The following SLC1A1 variants were observed in gnomAD, a reference collection of about 807,000 sequenced individuals.
SLC1A1 encodes the protein excitatory amino acid transporter 3.
In SLC1A1, 43 loss-of-function variants were observed where a neutral mutation model predicts 53.3. That is an observed-to-expected ratio of 0.81 (90% CI 0.63 to 1.04). The LOEUF (loss-of-function observed/expected upper bound fraction) is 1.04, where lower values mean the gene tolerates loss of function less well. Ranked by LOEUF, SLC1A1 falls within the 50% of genes least tolerant of loss-of-function variation. The pLI, the probability that SLC1A1 is intolerant of heterozygous loss-of-function variation, is 0.00. For synonymous variants in SLC1A1, 307 were observed against 243.2 expected (o/e 1.26, Z -2.44); for missense variants, 748 against 664.9 (o/e 1.12, Z -1.37).
chr9:4,552,451 T>C (rs923239103), intron 2 of SLC1A1, among the ~76,000 whole-genome samples: 2 of 151,812 alleles, frequency 1.3e-5, no homozygotes, highest in Non-Finnish European at 2.9e-5. Flanking sequence ...GGGAGGACAG[T>C]GAGACTTGAA....
At chr9:4,532,524 A>T (rs1181427669) in intron 1 of SLC1A1, among the ~76,000 whole-genome samples, 1 of 152,172 alleles carries the variant, frequency 6.6e-6, no homozygotes, top group Admixed American at 6.5e-5. Flanking sequence ...AAAAGAATAA[A>T]AAGAAATGAA....
At chr9:4,510,191 G>A (rs1365140994) in intron 1 of SLC1A1, among the ~76,000 whole-genome samples, 1 of 152,204 alleles carries the variant, frequency 6.6e-6, no homozygotes, top group Non-Finnish European at 1.5e-5. Context: ...TATGGGAAAT[G>A]AGAGGTAAGA....
intron 1 of SLC1A1, among the ~76,000 whole-genome samples, chr9:4,492,964 C>G (rs1311303766): frequency 6.6e-6 from 1 of 152,146 alleles, no homozygotes. Context: ...TCACTGGAGA[C>G]TGGTTTGGAG....
chr9:4,567,180 C>G (rs1010641044), intron 5 of SLC1A1, among the ~76,000 whole-genome samples: 6 of 152,198 alleles, frequency 3.9e-5, no homozygotes, highest in African/African-American at 1.4e-4. Flanking sequence ...CTGAATAGCC[C>G]CAAGGGGACT....
intron 1 of SLC1A1, among the ~76,000 whole-genome samples, chr9:4,494,589 G>A (rs971741789): frequency 6.6e-6 from 1 of 151,608 alleles, no homozygotes; most frequent in African/African-American, 2.4e-5. Flanking sequence ...TGGAAAGAAT[G>A]AATCATTTAT....
At chr9:4,523,737 G>A (rs982916365) in intron 1 of SLC1A1, among the ~76,000 whole-genome samples, 1 of 152,324 alleles carries the variant, frequency 6.6e-6, no homozygotes, top group East Asian at 1.9e-4. Context: ...TACTTACAGT[G>A]TGAGCCAGGT....
chr9:4,526,959 A>T (rs180944044), intron 1 of SLC1A1, among the ~76,000 whole-genome samples: 29 of 152,294 alleles, frequency 1.9e-4, no homozygotes, highest in African/African-American at 6.7e-4. Context: ...AAATGTAATT[A>T]AAGTCCCTAA....
In SLC1A1 at chr9:4,539,598, A is replaced by G. The variant is rs143676489; in HGVS notation, c.92-4969A>G. Among the ~76,000 whole-genome samples, 319 of 151,542 alleles carry G rather than the reference A, an allele frequency of 2.1e-3. 1 individual carries two copies. Among genetic ancestry groups the G allele is most frequent in the African/African-American group, 7.3e-3 (300 of 41,318 alleles). On this transcript the variant is annotated intron_variant, in intron 1 of 11. Transcript: ENST00000262352. ...TTATTTATTTATTTTTTGAGATGGA[A>G]TCTCACTCTGTCATCTAGGCTGGAG...
At chr9:4,557,751 G>A (rs1325504866) in intron 2 of SLC1A1, among the ~76,000 whole-genome samples, 2 of 152,206 alleles carry the variant, frequency 1.3e-5, no homozygotes, top group African/African-American at 4.8e-5. Flanking sequence ...CACAAAAACA[G>A]AACGTTTCTA....
chr9:4,569,852 C>A (rs1229466773), intron 6 of SLC1A1, among the ~76,000 whole-genome samples: 1 of 152,140 alleles, frequency 6.6e-6, no homozygotes, highest in Non-Finnish European at 1.5e-5. Context: ...CCCTCTATAC[C>A]CCAGGCCCTG....
intron 3 of SLC1A1, among the ~76,000 whole-genome samples, 184 bp downstream of exon 3, chr9:4,561,725 C>A (rs986929765): frequency 6.6e-6 from 1 of 152,064 alleles, no homozygotes; most frequent in South Asian, 2.1e-4. Context: ...CCCGTTTCTA[C>A]CAAAAATACA....
intron 3 of SLC1A1, among the ~76,000 whole-genome samples, chr9:4,564,034 T>C (rs144442706): frequency 6.6e-6 from 1 of 152,284 alleles, no homozygotes; most frequent in African/African-American, 2.4e-5. Flanking sequence ...AAGAATATTC[T>C]CATCAGCAGG....
intron 1 of SLC1A1, among the ~76,000 whole-genome samples, chr9:4,541,728 TGAG>T: frequency 6.6e-6 from 1 of 152,356 alleles, no homozygotes; most frequent in Non-Finnish European, 1.5e-5. Flanking sequence ...TTTCAACGGC[TGAG>T]ATTTTCAATT....
chr9:4,497,898 C>T (rs1000872860), intron 1 of SLC1A1, among the ~76,000 whole-genome samples: 4 of 152,038 alleles, frequency 2.6e-5, no homozygotes, highest in Non-Finnish European at 5.9e-5. Context: ...GCTGGGAGAG[C>T]AAAGAAGATT....
chr9:4,535,724 G>C (rs1166402462), intron 1 of SLC1A1, among the ~76,000 whole-genome samples: 1 of 151,852 alleles, frequency 6.6e-6, no homozygotes, highest in Non-Finnish European at 1.5e-5. Flanking sequence ...AGTTCATATG[G>C]AACCAAAAAA....
chr9:4,572,327 C>T lies in SLC1A1; in HGVS notation c.706C>T (p.Leu236=), dbSNP rs1395056281. 2 of 1,614,014 alleles carry T rather than the reference C, an allele frequency of 1.2e-6. No individual in the cohort carries two copies. Among genetic ancestry groups the T allele is most frequent in the African/African-American group, 2.7e-5 (2 of 74,916 alleles). ...AAAAATGGGAGAAAAGGGACAAATT[C>T]TGGTGGATTTCTTCAATGCTTTGAG... ...IGKMGEKGQI[L]VDFFNALSDA... is the part of the protein sequence containing the mutation. The change falls in exon 7 of 12, where the codon CTG becomes TTG. Residue 236 remains leucine, a synonymous_variant. Transcript: ENST00000262352.
At chr9:4,575,279 A>G (rs1820441776) in intron 8 of SLC1A1, among the ~76,000 whole-genome samples, 1 of 152,178 alleles carries the variant, frequency 6.6e-6, no homozygotes, top group Non-Finnish European at 1.5e-5. Context: ...ATATATATCT[A>G]TCTGTGAAAT....
At chr9:4,570,013 C>G (rs1402504676) in intron 6 of SLC1A1, among the ~76,000 whole-genome samples, 1 of 152,146 alleles carries the variant, frequency 6.6e-6, no homozygotes, top group African/African-American at 2.4e-5. Flanking sequence ...AATGAATGAG[C>G]AAGAATTATT....
At chr9:4,519,625 G>A (rs898409826) in intron 1 of SLC1A1, among the ~76,000 whole-genome samples, 1 of 152,172 alleles carries the variant, frequency 6.6e-6, no homozygotes, top group African/African-American at 2.4e-5. Context: ...GCTAAGTCCT[G>A]TGCATTCATT....
Sources: allele counts gnomAD v4.1 joint callset (sites outside exome capture counted in the v4.1 genomes callset), GRCh38; gene constraint gnomAD v4.1.1; transcripts MANE v1.5; gene names NCBI Gene and HGNC (gene_info 2026-07-23, HGNC 2026-07-21).